The following CSMD1 variants were observed in gnomAD, a reference collection of about 807,000 sequenced individuals.
CSMD1 encodes the protein CUB and Sushi multiple domains 1, also known as CUB and sushi domain-containing protein 1.
A neutral mutation model predicts 417.5 loss-of-function variants in CSMD1; 213 were observed. That is an observed-to-expected ratio of 0.51 (90% confidence interval 0.46 to 0.57). The LOEUF is 0.57. CSMD1 is among the 20% of genes least tolerant of loss of function. The pLI, the probability that CSMD1 is intolerant of heterozygous loss-of-function variation, is 0.00. For missense variants in CSMD1, 6,923 were observed against 4,529.7 expected (o/e 1.53, Z -15.17); for synonymous variants, 2,862 against 1,736.8 (o/e 1.65, Z -16.11).
Position 3,590,947 on chromosome 8 carries a change from A to G in CSMD1, c.1098-4687T>C, listed in dbSNP as rs537753114. Among the ~76,000 whole-genome samples, 167 of 152,328 alleles carry G rather than the reference A, an allele frequency of 1.1e-3. 2 individuals are homozygous for G. Among genetic ancestry groups the G allele is most frequent in the African/African-American group, 3.7e-3 (152 of 41,594 alleles). ...AAGTTTTCACTGATTTATGATTACTATATTTGAAGTAATATAAATCAGATA... is the reference window on the plus strand; with the variant it reads ...AAGTTTTCACTGATTTATGATTACTGTATTTGAAGTAATATAAATCAGATA... On this transcript the variant is annotated intron_variant, in intron 8 of 69. Coordinates refer to ENST00000635120, the MANE Select transcript of CSMD1 (RefSeq NM_033225.6).
In CSMD1 at chr8:2,973,146, G is replaced by A; in HGVS notation, c.8894C>T (p.Ser2965Leu). 5 of 1,613,732 alleles carry A rather than the reference G, an allele frequency of 3.1e-6. No individual in the cohort carries two copies. The highest frequency in any genetic ancestry group is 4.2e-6 in the Non-Finnish European group (5 of 1,179,702). Residue 2965 changes from serine (S) to leucine (L), a missense_variant, in exon 57 of 70, where the codon TCA becomes TTA. Coordinates refer to ENST00000635120, the MANE Select transcript of CSMD1 (RefSeq NM_033225.6). ...ACACACCGGCTGCAGTCCTGACCAT[G>A]ACCCATTGAGCAAACACGTGCGTTC... ...SPERTCLLNG[S>L]WSGLQPVCEA... is the part of the protein sequence containing the mutation.
chr8:4,200,377 C>G (rs186610687), intron 3 of CSMD1, among the ~76,000 whole-genome samples: 5 of 151,872 alleles, frequency 3.3e-5, no homozygotes, highest in Non-Finnish European at 7.4e-5. Context: ...AAAAGAAATA[C>G]AACTTTAAAA....
chr8:3,656,013 T>G (rs143080093), intron 7 of CSMD1, among the ~76,000 whole-genome samples: 2 of 152,214 alleles, frequency 1.3e-5, no homozygotes, highest in East Asian at 3.9e-4. Flanking sequence ...TAAGTTTTAT[T>G]CTGCAAAGAT....
intron 12 of CSMD1, among the ~76,000 whole-genome samples, chr8:3,447,465 G>A (rs879326327): frequency 2.6e-5 from 4 of 152,128 alleles, no homozygotes; most frequent in Admixed American, 1.3e-4. Context: ...AAGTATTTAG[G>A]GTAAGAGCGA....
chr8:4,655,035 C>A (rs1386244935), intron 1 of CSMD1, among the ~76,000 whole-genome samples: 31 of 143,728 alleles, frequency 2.2e-4, no homozygotes, highest in African/African-American at 2.3e-4. Flanking sequence ...GATGTACCTC[C>A]AAAAAAAAAA....
chr8:4,911,353 T>C (rs1805658207), intron 1 of CSMD1, among the ~76,000 whole-genome samples: 2 of 152,186 alleles, frequency 1.3e-5, no homozygotes, highest in Admixed American at 6.5e-5. Flanking sequence ...ACAATTATTT[T>C]TGAAAATCAC....
intron 37 of CSMD1, 147 bp from the exon 38 acceptor site, chr8:3,162,424 C>T: frequency 1.6e-6 from 1 of 612,150 alleles, no homozygotes; most frequent in Non-Finnish European, 2.9e-6. Context: ...ACCAAGAAGA[C>T]TTTGAGTACC....
At chr8:3,381,916 A>G (rs928672982) in intron 18 of CSMD1, among the ~76,000 whole-genome samples, 2 of 152,184 alleles carry the variant, frequency 1.3e-5, no homozygotes, top group Non-Finnish European at 2.9e-5. Context: ...CAGTATATGC[A>G]TATACACAAC....
chr8:3,058,735 G>C (rs539721574), intron 49 of CSMD1, among the ~76,000 whole-genome samples: 3 of 151,912 alleles, frequency 2.0e-5, no homozygotes, highest in Admixed American at 1.3e-4. Context: ...GCGTGGTCTC[G>C]GAGGAGCAAG....
rs58235838 is a variant in CSMD1 at position 4,342,205 on chromosome 8, CTG to C, written c.415+77746_415+77747del. Among the ~76,000 whole-genome samples, 1,053 of 150,644 alleles carry C rather than the reference CTG, an allele frequency of 7.0e-3. 16 individuals carry two copies. Among genetic ancestry groups the C allele is most frequent in the South Asian group, 0.038 (183 of 4,760 alleles). On this transcript the variant is annotated intron_variant, in intron 3 of 69. Coordinates refer to ENST00000635120, the MANE Select transcript of CSMD1 (RefSeq NM_033225.6). The stretch of plus-strand genomic sequence containing the variant: ...TGCAAACTTGGCAGCAGTGCTGTGT[CTG>C]TGTGTGTGTGTGTGTGTGTGTGTGT...
At chr8:3,988,193 C>A (rs1038215186) in intron 5 of CSMD1, among the ~76,000 whole-genome samples, 1 of 152,090 alleles carries the variant, frequency 6.6e-6, no homozygotes, top group Non-Finnish European at 1.5e-5. Context: ...AGCAGTAAGA[C>A]CCTGGTGAGT....
chr8:4,380,701 G>A (rs141339352), intron 3 of CSMD1, among the ~76,000 whole-genome samples: 1 of 152,314 alleles, frequency 6.6e-6, no homozygotes, highest in Non-Finnish European at 1.5e-5. Flanking sequence ...ATTAATAACA[G>A]AGGATTGTGG....
At chr8:3,512,645 G>A (rs1797125549) in intron 10 of CSMD1, among the ~76,000 whole-genome samples, 1 of 149,960 alleles carries the variant, frequency 6.7e-6, no homozygotes, top group Admixed American at 6.7e-5. Flanking sequence ...TTTGTCGCCA[G>A]GCTGGAGTGC....
At chr8:4,277,842 G>T (rs1343909693) in intron 3 of CSMD1, among the ~76,000 whole-genome samples, 1 of 152,066 alleles carries the variant, frequency 6.6e-6, no homozygotes, top group South Asian at 2.1e-4. Context: ...CTGCCTCCCT[G>T]GTTCACACCA....
intron 7 of CSMD1, among the ~76,000 whole-genome samples, chr8:3,647,165 T>C (rs1797618009): frequency 1.3e-5 from 2 of 152,086 alleles, no homozygotes; most frequent in Non-Finnish European, 2.9e-5. Flanking sequence ...GGTCCTCCGG[T>C]GCAACTCAAG....
intron 10 of CSMD1, among the ~76,000 whole-genome samples, chr8:3,510,440 G>C (rs62474256): frequency 0.19 from 28,596 of 151,790 alleles, 3,438 homozygotes; most frequent in Non-Finnish European, 0.26. Flanking sequence ...CATGGGGTAA[G>C]TTACTCAGCC....
chr8:4,056,477 C>T lies in CSMD1; in HGVS notation c.416-24378G>A, dbSNP rs547164350. Among the ~76,000 whole-genome samples, 7 of 151,562 alleles carry T rather than the reference C, an allele frequency of 4.6e-5. No homozygotes were observed. The South Asian group carries it at 6.3e-4, about 14-fold the overall frequency. Reference sequence around the variant, plus strand: ...GATATTAAAATACACAAATAGTTTCCGGGGCTGAGAGTCCTGAAAAATATT... The same window carrying T: ...GATATTAAAATACACAAATAGTTTCTGGGGCTGAGAGTCCTGAAAAATATT... On this transcript the variant is annotated intron_variant, in intron 3 of 69. Transcript: ENST00000635120.
chr8:4,261,082 A>G (rs746857393), intron 3 of CSMD1, among the ~76,000 whole-genome samples: 2 of 152,106 alleles, frequency 1.3e-5, no homozygotes, highest in Admixed American at 1.3e-4. Flanking sequence ...GTTTTGTGCT[A>G]TATATAATTT....
chr8:3,859,046 A>G (rs1380611552), intron 5 of CSMD1, among the ~76,000 whole-genome samples: 2 of 152,120 alleles, frequency 1.3e-5, no homozygotes, highest in Non-Finnish European at 2.9e-5. Context: ...TATAAGTGAA[A>G]TTTTACATTA....
Sources: allele counts gnomAD v4.1 joint callset (sites outside exome capture counted in the v4.1 genomes callset), GRCh38; gene constraint gnomAD v4.1.1; transcripts MANE v1.5; gene names NCBI Gene and HGNC (gene_info 2026-07-23, HGNC 2026-07-21).